The following TRPM3 variants were observed in gnomAD, a reference collection of about 807,000 sequenced individuals.
TRPM3 encodes the protein transient receptor potential cation channel subfamily M member 3.
Under a neutral mutation model 181.2 loss-of-function variants are expected in TRPM3, and 77 were observed. That is an observed-to-expected ratio of 0.42 (90% CI 0.35 to 0.51). The LOEUF is 0.51. TRPM3 is among the 20% of genes least tolerant of loss of function. The probability of loss-of-function intolerance (pLI) is 0.01; values close to 1 mark genes in which losing one functional copy is unlikely to be tolerated. For missense variants in TRPM3, 1,759 were observed against 2,196.7 expected, an observed-to-expected ratio of 0.80 and a Z score of 3.98; for synonymous variants, 745 against 796.4, an observed-to-expected ratio of 0.94 and a Z score of 1.09.
At chr9:70,628,527 T>C (rs896575103) in intron 12 of TRPM3, among the ~76,000 whole-genome samples, 11 of 152,166 alleles carry the variant, frequency 7.2e-5, no homozygotes, top group African/African-American at 2.6e-4. Context: ...TTTAATCTTG[T>C]AGGAATTCAA....
intron 9 of TRPM3, among the ~76,000 whole-genome samples, chr9:70,656,197 T>C (rs1047351013): frequency 4.6e-5 from 7 of 152,194 alleles, no homozygotes; most frequent in Non-Finnish European, 1.0e-4. Context: ...TTTATACTAA[T>C]TCCTGCCAAG....
At chr9:71,307,556 T>C (rs2087473893) in intron 1 of TRPM3, among the ~76,000 whole-genome samples, 1 of 152,220 alleles carries the variant, frequency 6.6e-6, no homozygotes, top group Non-Finnish European at 1.5e-5. Context: ...TTTTTGATAG[T>C]CTGCTTCTCC....
chr9:70,963,452 T>G (rs2097156829), intron 1 of TRPM3, among the ~76,000 whole-genome samples: 1 of 151,904 alleles, frequency 6.6e-6, no homozygotes, highest in Non-Finnish European at 1.5e-5. Context: ...TTCAAGAGAG[T>G]GGCTAATCTG....
At chr9:70,833,894 A>T (rs1041230380) in intron 5 of TRPM3, among the ~76,000 whole-genome samples, 1 of 152,132 alleles carries the variant, frequency 6.6e-6, no homozygotes, top group African/African-American at 2.4e-5. Flanking sequence ...AGGATCACGC[A>T]TCTGTTTCTG....
At chr9:70,917,470 C>T in intron 1 of TRPM3, 3 of 743,124 alleles carry the variant, frequency 4.0e-6, no homozygotes. Flanking sequence ...CCCGCACTGT[C>T]ACTGCCACCA....
intron 1 of TRPM3, among the ~76,000 whole-genome samples, chr9:71,227,123 A>C (rs1408453789): frequency 2.0e-5 from 3 of 150,878 alleles, no homozygotes; most frequent in Non-Finnish European, 4.4e-5. Flanking sequence ...AAAAAAAAAA[A>C]AAAAAAAAGA....
chr9:70,670,465 T>A (rs564070243), intron 9 of TRPM3, among the ~76,000 whole-genome samples: 2 of 152,338 alleles, frequency 1.3e-5, no homozygotes, highest in East Asian at 3.9e-4. Context: ...TGGACTGAGA[T>A]CTGTTTGGAT....
At chr9:71,121,147 T>C in intron 1 of TRPM3, 31 bp downstream of exon 1, 1 of 1,601,472 alleles carries the variant, frequency 6.2e-7, no homozygotes, top group Admixed American at 1.7e-5. Flanking sequence ...AAAGCACAAT[T>C]AGCGCCATTC....
intron 22 of TRPM3, among the ~76,000 whole-genome samples, chr9:70,576,904 C>A (rs1203027635): frequency 6.6e-6 from 1 of 152,070 alleles, no homozygotes; most frequent in Non-Finnish European, 1.5e-5. Context: ...GGCTTTTTGC[C>A]CTTGCTGTTC....
At chr9:71,118,008 T>C (rs565474680) in intron 1 of TRPM3, among the ~76,000 whole-genome samples, 1 of 152,186 alleles carries the variant, frequency 6.6e-6, no homozygotes, top group East Asian at 1.9e-4. Flanking sequence ...TGATAATGAA[T>C]ATGAAATATG....
At position 70,698,207 on chromosome 9, in the gene TRPM3, C is replaced by CAA. The variant is rs35974302; in HGVS notation, c.1273-16631_1273-16630dup. On this transcript the variant is annotated intron_variant, in intron 8 of 25. Coordinates refer to ENST00000677713, the MANE Select transcript of TRPM3 (RefSeq NM_001366145.2). ...TGGGTGACAGAGCGAGACTCTGTCT[C>CAA]AAAAAAAAAAAAAAAAGAATTTTTC... Among the ~76,000 whole-genome samples, 174 of 117,154 alleles carry CAA rather than the reference C, an allele frequency of 1.5e-3. 1 individual carries two copies. Among genetic ancestry groups the CAA allele is most frequent in the African/African-American group, 1.5e-3 (44 of 28,900 alleles). The allele number at this position is 117,154 out of a possible 152,430, so 76.9% of individuals were successfully genotyped here.
chr9:71,303,163 A>G (rs1206713923), intron 1 of TRPM3, among the ~76,000 whole-genome samples: 2 of 152,150 alleles, frequency 1.3e-5, no homozygotes, highest in Non-Finnish European at 2.9e-5. Flanking sequence ...CATCTTCCCT[A>G]AGAAAAGGAA....
intron 1 of TRPM3, among the ~76,000 whole-genome samples, chr9:71,199,495 T>C (rs891157441): frequency 1.3e-5 from 2 of 152,058 alleles, no homozygotes; most frequent in Non-Finnish European, 2.9e-5. Flanking sequence ...TGTGAATCCA[T>C]CTGGTCCTGG....
At position 71,313,242 on chromosome 9, in the gene TRPM3, C is replaced by A. The variant is rs190187655; in HGVS notation, c.183+133411G>T. Among the ~76,000 whole-genome samples, 850 of 151,896 alleles carry A rather than the reference C, an allele frequency of 5.6e-3. 4 individuals carry two copies. The highest frequency in any genetic ancestry group is 1.0e-2 in the South Asian group (48 of 4,816). ...CTGTTTAAAAAGGAGTCTATTAAGA[C>A]AAAACACTAAAAATTTTTTAAGTAC... On this transcript the variant is annotated intron_variant, in intron 1 of 24. Coordinates refer to the TRPM3 transcript ENST00000357533.
intron 1 of TRPM3, among the ~76,000 whole-genome samples, chr9:71,133,987 GT>G (rs2074557045): frequency 7.6e-6 from 1 of 131,284 alleles, no homozygotes; most frequent in Non-Finnish European, 1.6e-5. Flanking sequence ...GTGTGTGTGT[GT>G]GTGTGTGTGT....
At chr9:71,428,705 A>G (rs562566592) in intron 1 of TRPM3, among the ~76,000 whole-genome samples, 1 of 152,270 alleles carries the variant, frequency 6.6e-6, no homozygotes, top group East Asian at 1.9e-4. Context: ...TACTAATCTA[A>G]AAGACTTGCC....
At chr9:70,786,885 G>A (rs888527122) in intron 6 of TRPM3, among the ~76,000 whole-genome samples, 1 of 152,076 alleles carries the variant, frequency 6.6e-6, no homozygotes, top group Non-Finnish European at 1.5e-5. Context: ...CTTGGATTCT[G>A]TCGGTGGAAT....
At chr9:71,372,265 T>C (rs947508192) in intron 1 of TRPM3, among the ~76,000 whole-genome samples, 1 of 152,216 alleles carries the variant, frequency 6.6e-6, no homozygotes, top group Non-Finnish European at 1.5e-5. Context: ...TCCATGACTT[T>C]GCTATTGTAA....
chr9:70,635,330 T>C, intron 11 of TRPM3, 69 bp from the exon 12 acceptor site: 1 of 1,430,696 alleles, frequency 7.0e-7, no homozygotes. Flanking sequence ...ACAAGAAGGA[T>C]CTAGAAGGAA....
Sources: gnomAD v4.1 joint callset for allele counts (sites outside exome capture counted in the v4.1 genomes callset) on GRCh38, gnomAD v4.1.1 for gene constraint, MANE v1.5 for transcripts, NCBI Gene and HGNC (gene_info 2026-07-23, HGNC 2026-07-21) for gene names.